HDLBP: variants seen among roughly 807,000 people sequenced by gnomAD.
HDLBP encodes the protein high density lipoprotein binding protein.
Under a neutral mutation model 137.3 loss-of-function variants are expected in HDLBP, and 30 were observed. The ratio of observed to expected loss-of-function variants is 0.22; its 90% CI spans 0.16 to 0.30. The LOEUF (loss-of-function observed/expected upper bound fraction) is 0.30. Among genes scored for constraint, HDLBP ranks in the 10% least tolerant of loss-of-function variants. The pLI is 1.00. For synonymous variants in HDLBP, 606 were observed against 596.0 expected (o/e 1.02, Z -0.24); for missense variants, 1,119 against 1,667.3 (o/e 0.67, Z 5.73).
intron 1 of HDLBP, among the ~76,000 whole-genome samples, chr2:241,311,908 T>C (rs2075768066): frequency 6.6e-6 from 1 of 152,198 alleles, no homozygotes; most frequent in African/African-American, 2.4e-5. Context: ...ACTTCCTACC[T>C]ATTCTCAGTG....
At chr2:241,295,470 A>G (rs1473861411) in intron 1 of HDLBP, among the ~76,000 whole-genome samples, 1 of 152,192 alleles carries the variant, frequency 6.6e-6, no homozygotes, top group Non-Finnish European at 1.5e-5. Flanking sequence ...GGCAAAACAA[A>G]AATTTTACAC....
chr2:241,312,777 C>T (rs1230326004), intron 1 of HDLBP, among the ~76,000 whole-genome samples: 1 of 152,040 alleles, frequency 6.6e-6, no homozygotes, highest in Non-Finnish European at 1.5e-5. Context: ...TAAGCCCTTT[C>T]TGTAAGTTTC....
At chr2:241,311,504 A>C (rs1375063946) in intron 1 of HDLBP, among the ~76,000 whole-genome samples, 1 of 152,246 alleles carries the variant, frequency 6.6e-6, no homozygotes, top group East Asian at 1.9e-4. Flanking sequence ...TTTCAGGCAC[A>C]GACAAGCCTG....
Position 241,233,759 on chromosome 2 carries a change from A to C in HDLBP, c.3288+61T>G. The C allele has an allele frequency of 8.7e-6, 14 of 1,602,310 alleles. No individual in the cohort carries two copies. The highest frequency in any genetic ancestry group is 1.2e-5 in the Non-Finnish European group (14 of 1,171,860). ...CTAGGCACATCTGGTTACTGCTCCC[A>C]AGTCACAGGAAAGGTCAACAAGCAC... is the stretch of plus-strand genomic sequence containing the variant. On this transcript the variant is annotated intron_variant, in intron 24 of 27. Transcript: ENST00000310931. The surrounding 1 kb of genome is among the most constrained non-coding windows in gnomAD (Gnocchi z 4.3).
At chr2:241,250,097 C>T (rs916831079) in intron 11 of HDLBP, 117 bp from the exon 12 acceptor site, 44 of 1,021,868 alleles carry the variant, frequency 4.3e-5, no homozygotes, top group Non-Finnish European at 6.0e-5. Flanking sequence ...TTCCCATCAC[C>T]AAAAACGATG....
chr2:241,268,996 G>T (rs2073878638), intron 1 of HDLBP: 1 of 152,248 alleles, frequency 6.6e-6, no homozygotes, highest in South Asian at 2.1e-4. Flanking sequence ...AGCGCTTATG[G>T]TGACCAAGAG....
chr2:241,264,707 T>G, intron 3 of HDLBP, 102 bp from the exon 4 acceptor site: 2 of 1,162,894 alleles, frequency 1.7e-6, no homozygotes, highest in Non-Finnish European at 2.5e-6. Context: ...ACAAGAACCA[T>G]CAAATGCTCC....
chr2:241,273,586 G>A (rs2074274350), intron 1 of HDLBP: 1 of 985,024 alleles, frequency 1.0e-6, no homozygotes, highest in Non-Finnish European at 1.2e-6. Context: ...TCTTTTAAGG[G>A]TATAAAGGGA....
intron 1 of HDLBP, among the ~76,000 whole-genome samples, chr2:241,271,404 G>A (rs1007155851): frequency 6.6e-6 from 1 of 152,184 alleles, no homozygotes; most frequent in South Asian, 2.1e-4. Context: ...ACCCCTTTCC[G>A]CCCTAATACG....
chr2:241,286,894 C>T (rs2149637425), intron 1 of HDLBP, among the ~76,000 whole-genome samples: 1 of 148,188 alleles, frequency 6.7e-6, no homozygotes, highest in Middle Eastern at 3.5e-3. Context: ...AGCAGTGAGC[C>T]ATGATGGCAC....
At chr2:241,258,969 G>A (rs991978927) in intron 5 of HDLBP, among the ~76,000 whole-genome samples, 9 of 152,192 alleles carry the variant, frequency 5.9e-5, no homozygotes, top group African/African-American at 2.2e-4. Context: ...TCACTTCTAG[G>A]AATCTATCCC....
rs1212464794 is a variant in HDLBP at position 241,264,603 on chromosome 2, C to A, written c.79G>T (p.Ala27Ser). Residue 27 changes from alanine (A) to serine (S), a missense_variant and splice_region_variant, in exon 4 of 28, where the codon GCC (alanine) becomes TCC (serine). Transcript: ENST00000310931. ...SGLVPQQIKV[A>S]TLNSEEESDP... ...CTCTCCTCTTCTGAATTTAGAGTGGCAACTGGACCAGCCAACACAGATTAA... is the reference window on the plus strand; with the variant it reads ...CTCTCCTCTTCTGAATTTAGAGTGGAAACTGGACCAGCCAACACAGATTAA... 1.9e-5 allele frequency: 31 copies of A among 1,613,694 alleles called. No individual in the cohort carries two copies. Among genetic ancestry groups the A allele is most frequent in the Non-Finnish European group, 2.5e-5 (30 of 1,179,842 alleles).
At position 241,264,592 on chromosome 2, in the gene HDLBP, A is replaced by T. The variant is rs750320032; in HGVS notation, c.90T>A (p.Asn30Lys). 1.2e-6 allele frequency: 2 copies of T among 1,613,728 alleles called. No individual in the cohort carries two copies. Among genetic ancestry groups the T allele is most frequent in the African/African-American group, 2.7e-5 (2 of 74,840 alleles). Residue 30 changes from asparagine (N) to lysine (K), a missense_variant, in exon 4 of 28, where the codon AAT (asparagine) becomes AAA (lysine). Asn to Lys is a moderately conservative substitution (Grantham distance 94). This residue lies in a region of HDLBP where 59 missense variants were observed against 92.4 expected (regional missense o/e 0.64). Coordinates refer to ENST00000310931, the MANE Select transcript of HDLBP (RefSeq NM_005336.6). ...TTGGAGGGTCGCTCTCCTCTTCTGAATTTAGAGTGGCAACTGGACCAGCCA... is the reference window on the plus strand; with the variant it reads ...TTGGAGGGTCGCTCTCCTCTTCTGATTTTAGAGTGGCAACTGGACCAGCCA... ...VPQQIKVATL[N>K]SEEESDPPTY...
At chr2:241,244,111 G>C (rs755805014) in intron 16 of HDLBP, among the ~76,000 whole-genome samples, 1 of 152,136 alleles carries the variant, frequency 6.6e-6, no homozygotes, top group African/African-American at 2.4e-5. Context: ...AATGATATTA[G>C]ATGAAATGAG....
At chr2:241,262,218 A>G (rs943758202) in intron 5 of HDLBP, among the ~76,000 whole-genome samples, 7 of 152,254 alleles carry the variant, frequency 4.6e-5, no homozygotes, top group Admixed American at 6.5e-5. Flanking sequence ...TAGCAAAGCA[A>G]TGGGAACCAC....
At position 241,262,633 on chromosome 2, in the gene HDLBP, C is replaced by T. The variant is rs572471556; in HGVS notation, c.450+78G>A. The stretch of plus-strand genomic sequence containing the variant: ...CCCACTGGTAGGAAGGGTCCAGTGA[C>T]GTTCTAGCCTGCATCAGGAGCCGGG... On this transcript the variant is annotated intron_variant, in intron 5 of 27. Transcript: ENST00000310931. 4.3e-5 allele frequency: 47 copies of T among 1,096,056 alleles called. No individual in the cohort carries two copies. In the Admixed American group the frequency reaches 5.8e-4, roughly 13 times the overall value. The allele number at this position is 1,096,056 out of a possible 1,614,324, so 67.9% of individuals were successfully genotyped here.
At chr2:241,292,183 G>GC (rs1490017432) in intron 1 of HDLBP, among the ~76,000 whole-genome samples, 86 of 149,902 alleles carry the variant, frequency 5.7e-4, no homozygotes, top group Non-Finnish European at 1.9e-4. Flanking sequence ...TGAAACCACT[G>GC]CCCCCCACCC....
chr2:241,255,022 A>G (rs1471077848), intron 9 of HDLBP, 29 bp downstream of exon 9: 3 of 1,476,686 alleles, frequency 2.0e-6, no homozygotes, highest in Non-Finnish European at 2.8e-6. Flanking sequence ...AGACAAATTC[A>G]ATACAACAGG....
intron 14 of HDLBP, among the ~76,000 whole-genome samples, chr2:241,247,658 C>T (rs977705149): frequency 5.3e-5 from 8 of 152,174 alleles, no homozygotes; most frequent in Non-Finnish European, 1.2e-4. Context: ...GTATATGACT[C>T]CTCATGTCAC....
Sources: gnomAD v4.1 joint callset for allele counts (sites outside exome capture counted in the v4.1 genomes callset) on GRCh38, gnomAD v4.1.1 for gene constraint, gnomAD v4.1.1 regional missense constraint, Gnocchi (gnomAD v3.1) non-coding constraint, MANE v1.5 for transcripts, NCBI Gene and HGNC (gene_info 2026-07-23, HGNC 2026-07-21) for gene names.